Variants in RSRC1 observed in about 807,000 individuals in gnomAD.
The protein encoded by RSRC1 is serine/Arginine-related protein 53.
In RSRC1, 39 loss-of-function variants were observed where a neutral mutation model predicts 49.1. The ratio of observed to expected loss-of-function variants is 0.79; its 90% confidence interval spans 0.61 to 1.04. The LOEUF is 1.04. RSRC1 is among the 50% of genes least tolerant of loss of function. The pLI is 0.00. For synonymous variants in RSRC1, 143 were observed against 130.8 expected, an observed-to-expected ratio of 1.09 and a Z score of -0.63; for missense variants, 388 against 402.4, an observed-to-expected ratio of 0.96 and a Z score of 0.31.
At chr3:158,170,310 T>A (rs1457373134) in intron 3 of RSRC1, among the ~76,000 whole-genome samples, 2 of 151,682 alleles carry the variant, frequency 1.3e-5, no homozygotes, top group Non-Finnish European at 2.9e-5. Context: ...GGTCTGCCTT[T>A]TTTTTTTTTC....
At chr3:158,341,518 T>C (rs895127044) in intron 5 of RSRC1, among the ~76,000 whole-genome samples, 1 of 152,100 alleles carries the variant, frequency 6.6e-6, no homozygotes, top group African/African-American at 2.4e-5. Context: ...ACAGAAGTCA[T>C]GAATTGAGGG....
At chr3:158,515,669 T>G (rs1263253606) in intron 7 of RSRC1, among the ~76,000 whole-genome samples, 1 of 140,626 alleles carries the variant, frequency 7.1e-6, no homozygotes, top group African/African-American at 2.7e-5. Flanking sequence ...GGGGAAGTTC[T>G]CCTGGATAAT....
chr3:158,320,360 CATGTAATATGTGTTTGTTCTGTTAT>C (rs1164111369), intron 5 of RSRC1, among the ~76,000 whole-genome samples: 2 of 152,128 alleles, frequency 1.3e-5, no homozygotes, highest in South Asian at 2.1e-4. Context: ...ATACTTGTTA[CATGTAATATGTGTTTGTTCTGTTAT>C]ATGTAATATG....
intron 6 of RSRC1, among the ~76,000 whole-genome samples, chr3:158,403,925 T>A (rs1187419875): frequency 6.6e-6 from 1 of 151,838 alleles, no homozygotes; most frequent in Non-Finnish European, 1.5e-5. Flanking sequence ...ATTAAGGAGC[T>A]TCTCAAAATT....
At chr3:158,524,277 G>A (rs1460807853) in intron 7 of RSRC1, among the ~76,000 whole-genome samples, 1 of 151,984 alleles carries the variant, frequency 6.6e-6, no homozygotes, top group Admixed American at 6.6e-5. Context: ...TTAATTATCA[G>A]TCCTCTTCAA....
chr3:158,473,774 C>T (rs1419582372), intron 7 of RSRC1, among the ~76,000 whole-genome samples: 3 of 151,780 alleles, frequency 2.0e-5, no homozygotes, highest in Non-Finnish European at 2.9e-5. Flanking sequence ...TTTTTAATGT[C>T]AATAAATATA....
intron 5 of RSRC1, among the ~76,000 whole-genome samples, chr3:158,325,740 A>C (rs908280925): frequency 2.0e-4 from 31 of 152,136 alleles, no homozygotes; most frequent in African/African-American, 6.8e-4. Flanking sequence ...ATGAACTTTA[A>C]AGTAGTGTTC....
At chr3:158,489,033 C>G (rs1367561601) in intron 7 of RSRC1, among the ~76,000 whole-genome samples, 1 of 152,130 alleles carries the variant, frequency 6.6e-6, no homozygotes, top group Non-Finnish European at 1.5e-5. Flanking sequence ...ATTTTTAAGT[C>G]TTTCAATACA....
At chr3:158,224,377 G>A (rs764129579) in intron 4 of RSRC1, among the ~76,000 whole-genome samples, 3 of 151,748 alleles carry the variant, frequency 2.0e-5, no homozygotes, top group Non-Finnish European at 4.4e-5. Context: ...TTACATGCAT[G>A]ATTTTGTGCT....
rs1248528615 is a variant in RSRC1, at chr3:158,153,257, C to T, written c.320+29266C>T. Reference sequence around the variant, plus strand: ...AGATTCTCTTAACCATCAAAGTGATCTGCAACTCTTTCTCTTTGGAGACAC... The same window carrying T: ...AGATTCTCTTAACCATCAAAGTGATTTGCAACTCTTTCTCTTTGGAGACAC... On this transcript the variant is annotated intron_variant, in intron 3 of 9. Transcript: ENST00000611884. Among the ~76,000 whole-genome samples the T allele has an allele frequency of 2.0e-5, 3 of 152,204 alleles. No homozygotes were observed. In the East Asian group the frequency reaches 5.8e-4, roughly 29 times the overall value.
At chr3:158,312,056 G>A (rs1484451388) in intron 5 of RSRC1, among the ~76,000 whole-genome samples, 1 of 152,108 alleles carries the variant, frequency 6.6e-6, no homozygotes, top group East Asian at 1.9e-4. Flanking sequence ...GCAAGACTCA[G>A]AAGGTGAAGG....
intron 3 of RSRC1, among the ~76,000 whole-genome samples, chr3:158,200,187 G>A (rs144001324): frequency 0.12 from 18,290 of 151,918 alleles, 1,376 homozygotes; most frequent in Middle Eastern, 0.2. Flanking sequence ...ACAGGCATCC[G>A]CCACCATGCC....
intron 6 of RSRC1, among the ~76,000 whole-genome samples, chr3:158,363,549 G>A (rs1731597949): frequency 6.6e-6 from 1 of 152,184 alleles, no homozygotes; most frequent in African/African-American, 2.4e-5. Context: ...ACAGGCGTGA[G>A]CCACCATGCC....
intron 7 of RSRC1, among the ~76,000 whole-genome samples, chr3:158,529,214 G>GTGTGTATATATATATATATA (rs374368016): frequency 2.2e-3 from 317 of 143,104 alleles, no homozygotes; most frequent in African/African-American, 7.9e-3. Flanking sequence ...ATGTGTGTGT[G>GTGTGTATATATATATATATA]TATATATATA....
intron 3 of RSRC1, among the ~76,000 whole-genome samples, chr3:158,176,301 C>T (rs1719214252): frequency 6.6e-6 from 1 of 152,146 alleles, no homozygotes; most frequent in South Asian, 2.1e-4. Context: ...GAAAAAACTA[C>T]TTTAAAGTCC....
chr3:158,495,834 G>A (rs539908463), intron 7 of RSRC1, among the ~76,000 whole-genome samples: 27 of 152,362 alleles, frequency 1.8e-4, no homozygotes, highest in Non-Finnish European at 1.5e-5. Flanking sequence ...GAATTGAATA[G>A]TTGTGACAGA....
chr3:158,499,509 A>T (rs1216497799), intron 7 of RSRC1, among the ~76,000 whole-genome samples: 1 of 152,058 alleles, frequency 6.6e-6, no homozygotes, highest in Non-Finnish European at 1.5e-5. Context: ...CCACCCATCC[A>T]TGGTATGGGA....
At position 158,123,884 on chromosome 3, in the gene RSRC1, C is replaced by T; in HGVS notation, c.213C>T (p.Ser71=). 2 of 1,611,062 alleles carry T rather than the reference C, an allele frequency of 1.2e-6. No homozygotes were observed. The highest frequency in any genetic ancestry group is 1.7e-6 in the Non-Finnish European group (2 of 1,178,182). The change falls in exon 3 of 10, where the codon AGC becomes AGT. Residue 71 remains serine, a synonymous_variant. Coordinates refer to ENST00000611884, the MANE Select transcript of RSRC1 (RefSeq NM_001271838.2). ...SYDRRRRHRS[S]SSSSYGSRRK... is the part of the protein sequence containing the mutation. ...ATTTCAGACGCAGGCATCGATCAAG[C>T]AGTAGCTCTTCTTATGGCTCCAGAA...
chr3:158,432,922 A>G (rs1735848085), intron 6 of RSRC1, among the ~76,000 whole-genome samples: 1 of 151,956 alleles, frequency 6.6e-6, no homozygotes, highest in African/African-American at 2.4e-5. Flanking sequence ...CTTACAAAAT[A>G]TATTTTCAAA....
Sources: allele counts gnomAD v4.1 joint callset (sites outside exome capture counted in the v4.1 genomes callset), GRCh38; gene constraint gnomAD v4.1.1; transcripts MANE v1.5; gene names NCBI Gene and HGNC (gene_info 2026-07-23, HGNC 2026-07-21).